Variants in DIP2A observed in about 807,000 individuals in gnomAD.
DIP2A encodes disco-interacting protein 2 homolog A.
In DIP2A, 85 loss-of-function variants were observed where a neutral mutation model predicts 177.4. The ratio of observed to expected loss-of-function variants is 0.48; its 90% CI spans 0.40 to 0.57. The LOEUF (loss-of-function observed/expected upper bound fraction) is 0.57. DIP2A is among the 20% of genes least tolerant of loss of function. The pLI is 0.00. For missense variants in DIP2A, 1,791 were observed against 2,100.2 expected (o/e 0.85, Z 2.88); for synonymous variants, 886 against 881.8 (o/e 1.00, Z -0.08).
At chr21:46,542,151 G>A (rs2059846152) in intron 18 of DIP2A, among the ~76,000 whole-genome samples, 2 of 152,294 alleles carry the variant, frequency 1.3e-5, no homozygotes, top group Middle Eastern at 3.4e-3. Context: ...GTTTTTCAGT[G>A]TAAATTGGAA....
At chr21:46,479,969 C>G (rs1041334655) in intron 1 of DIP2A, among the ~76,000 whole-genome samples, 3 of 152,062 alleles carry the variant, frequency 2.0e-5, no homozygotes, top group East Asian at 1.9e-4. Context: ...ACGACTGTTA[C>G]CAGTGAATGG....
intron 37 of DIP2A, 70 bp downstream of exon 37, chr21:46,566,753 A>G (rs1159226237): frequency 6.3e-7 from 1 of 1,594,456 alleles, no homozygotes; most frequent in African/African-American, 1.3e-5. Context: ...AGTGCTGTGC[A>G]TCGGTTGGAG....
At chr21:46,526,006 T>C (rs925065944) in intron 8 of DIP2A, among the ~76,000 whole-genome samples, 2 of 151,816 alleles carry the variant, frequency 1.3e-5, no homozygotes, top group South Asian at 2.1e-4. Flanking sequence ...CCTCCCGGGT[T>C]CAAGTGATTC....
chr21:46,547,112 T>C (rs1292962200), intron 21 of DIP2A, 70 bp downstream of exon 21: 2 of 1,570,240 alleles, frequency 1.3e-6, no homozygotes, highest in African/African-American at 1.4e-5. Context: ...CTTTGTGCAG[T>C]AGATGGAAAG....
chr21:46,561,984 C>T (rs1333591774), intron 34 of DIP2A, 179 bp downstream of exon 34: 1 of 923,316 alleles, frequency 1.1e-6, no homozygotes, highest in African/African-American at 1.8e-5. Context: ...TATAGAATTA[C>T]TTAGTTATGT....
intron 1 of DIP2A, among the ~76,000 whole-genome samples, chr21:46,464,950 A>T (rs1366183297): frequency 6.7e-6 from 1 of 149,830 alleles, no homozygotes. Flanking sequence ...CTTAATGATG[A>T]TAATTCTTCT....
chr21:46,565,887 G>A lies in DIP2A; in HGVS notation c.4339G>A (p.Gly1447Arg). 1.9e-6 allele frequency: 3 copies of A among 1,613,868 alleles called. No individual in the cohort carries two copies. The highest frequency in any genetic ancestry group is 2.5e-6 in the Non-Finnish European group (3 of 1,179,884). The change falls in exon 36 of 38, where the codon GGG becomes AGG. Residue 1447 changes from glycine (G) to arginine (R), a missense_variant and splice_region_variant. By Grantham distance (125) the Gly-to-Arg change is moderately radical (BLOSUM62 -2). Transcript: ENST00000417564. ...AACAGAGCTCACTGATGCCAGTGGA[G>A]GTGAGGGGTTGTGGTGAAGCCCTGC... ...RRTELTDASG[G>R]RHDALYVVGS...
Position 46,547,160 on chromosome 21 carries a change from G to A in DIP2A, c.2522+118G>A, listed in dbSNP as rs970115828. The A allele has an allele frequency of 6.8e-6, 10 of 1,465,058 alleles. No individual in the cohort carries two copies. In the African/African-American group the frequency reaches 9.9e-5, roughly 14 times the overall value. The allele number at this position is 1,465,058 out of a possible 1,614,324, so 90.8% of individuals were successfully genotyped here. ...GAATTCACAAAGCCTAAAAATTGTT[G>A]TACATCAGAAAACTCCTAAAGTAAA... On this transcript the variant is annotated intron_variant, in intron 21 of 37. Transcript: ENST00000417564.
At chr21:46,504,185 T>C in intron 5 of DIP2A, 176 bp from the exon 6 acceptor site, 1 of 795,314 alleles carries the variant, frequency 1.3e-6, no homozygotes, top group Non-Finnish European at 2.0e-6. Flanking sequence ...TGTCTGGGAG[T>C]TCATAGGGTC....
At chr21:46,549,566 T>C (rs2060190694) in intron 21 of DIP2A, among the ~76,000 whole-genome samples, 1 of 152,202 alleles carries the variant, frequency 6.6e-6, no homozygotes, top group African/African-American at 2.4e-5. Flanking sequence ...AAGTCCTCTG[T>C]TTTTTGTGAC....
At chr21:46,512,735 A>G (rs1443822318) in intron 8 of DIP2A, among the ~76,000 whole-genome samples, 1 of 151,210 alleles carries the variant, frequency 6.6e-6, no homozygotes, top group African/African-American at 2.4e-5. Flanking sequence ...TGGGCTCGAG[A>G]TGCTCCTGCC....
intron 1 of DIP2A, 66 bp downstream of exon 1, chr21:46,459,288 A>G: frequency 7.8e-7 from 1 of 1,277,234 alleles, no homozygotes; most frequent in South Asian, 1.6e-5. Flanking sequence ...GCAGCCCCTC[A>G]CTCCGGGACC....
chr21:46,523,393 A>AT (rs61370008), intron 8 of DIP2A, among the ~76,000 whole-genome samples: 19,787 of 89,928 alleles, frequency 0.22, 2,219 homozygotes, highest in South Asian at 0.26. Context: ...CGCCTGGCTA[A>AT]TTTTTTTTTT....
intron 13 of DIP2A, among the ~76,000 whole-genome samples, chr21:46,536,810 A>G (rs540759249): frequency 8.5e-5 from 13 of 152,140 alleles, no homozygotes; most frequent in Admixed American, 4.6e-4. Context: ...AGGCTCAGAC[A>G]GGAGAATTGC....
intron 35 of DIP2A, 144 bp downstream of exon 35, chr21:46,564,076 C>A: frequency 1.1e-6 from 1 of 906,234 alleles, no homozygotes; most frequent in Non-Finnish European, 1.6e-6. Context: ...CGTGTACCTC[C>A]CAGACCCAGT....
chr21:46,557,050 G>A lies in DIP2A; in HGVS notation c.3610G>A (p.Ala1204Thr). Residue 1204 changes from alanine (A) to threonine (T), a missense_variant, in exon 30 of 38, where the codon GCC becomes ACC. Coordinates refer to ENST00000417564, the MANE Select transcript of DIP2A (RefSeq NM_015151.4). This position sits in a 1 kb window ranked among gnomAD's most constrained non-coding sequence, Gnocchi z 6.0. ...CGACCCCTACTGTGGCCTTGGTTTTGCCCTGTGGTGTCTGTGCAGGTGAGT... is the reference window on the plus strand; with the variant it reads ...CGACCCCTACTGTGGCCTTGGTTTTACCCTGTGGTGTCTGTGCAGGTGAGT... The part of the protein sequence containing the change: ...CLDPYCGLGF[A>T]LWCLCSVYSG... 1 of 1,607,140 alleles carries A rather than the reference G, an allele frequency of 6.2e-7. No homozygotes were observed. Among genetic ancestry groups the A allele is most frequent in the Non-Finnish European group, 8.5e-7 (1 of 1,177,152 alleles).
At position 46,532,180 on chromosome 21, in the gene DIP2A, T is replaced by C; in HGVS notation, c.1248T>C (p.Tyr416=). 1 of 1,614,016 alleles carries C rather than the reference T, an allele frequency of 6.2e-7. No homozygotes were observed. Among genetic ancestry groups the C allele is most frequent in the East Asian group, 2.2e-5 (1 of 44,892 alleles). ...CTGTGATGTTCATGGTTGCATTTTA[T>C]GGGTGTCTCCTGGCAGAGCTGGTTC... is the stretch of plus-strand genomic sequence containing the variant. ...SDPVMFMVAF[Y]GCLLAELVPV... The change falls in exon 10 of 38, where the codon TAT becomes TAC. Residue 416 remains tyrosine (Y), a synonymous_variant. Coordinates refer to ENST00000417564, the MANE Select transcript of DIP2A (RefSeq NM_015151.4).
chr21:46,526,248 T>C (rs1356735536), intron 8 of DIP2A, among the ~76,000 whole-genome samples: 2 of 152,076 alleles, frequency 1.3e-5, no homozygotes, highest in Non-Finnish European at 2.9e-5. Flanking sequence ...CTTGGACATC[T>C]GTCCCTCCAT....
chr21:46,462,142 T>A (rs762524975), intron 1 of DIP2A, among the ~76,000 whole-genome samples: 20 of 152,202 alleles, frequency 1.3e-4, no homozygotes, highest in Non-Finnish European at 2.8e-4. Flanking sequence ...CTTTCCCTGC[T>A]CCTAGACTGG....
Sources: allele counts gnomAD v4.1 joint callset (sites outside exome capture counted in the v4.1 genomes callset), GRCh38; gene constraint gnomAD v4.1.1; non-coding constraint Gnocchi (gnomAD v3.1); transcripts MANE v1.5; gene names NCBI Gene and HGNC (gene_info 2026-07-23, HGNC 2026-07-21).